Variants in NPAS3 observed in about 807,000 individuals in gnomAD.
NPAS3 encodes neuronal PAS domain-containing protein 3.
A neutral mutation model predicts 73.1 loss-of-function variants in NPAS3; 14 were observed. That is an observed-to-expected ratio of 0.19 (90% CI 0.13 to 0.30). NPAS3 has a LOEUF of 0.30. Ranked by LOEUF, NPAS3 falls within the 10% of genes least tolerant of loss-of-function variation. The pLI, the probability that NPAS3 is intolerant of heterozygous loss-of-function variation, is 1.00. For missense variants in NPAS3, 1,096 were observed against 1,250.0 expected (o/e 0.88, Z 1.86); for synonymous variants, 620 against 541.5 (o/e 1.14, Z -2.01).
chr14:33,702,532 A>G (rs1275058366), intron 6 of NPAS3, among the ~76,000 whole-genome samples: 1 of 152,226 alleles, frequency 6.6e-6, no homozygotes, highest in Non-Finnish European at 1.5e-5. Flanking sequence ...CCATGTGAGG[A>G]AAGTGGATTG....
chr14:33,373,594 TTAAAC>T (rs1226177662), intron 4 of NPAS3, among the ~76,000 whole-genome samples: 6 of 152,268 alleles, frequency 3.9e-5, no homozygotes, highest in Non-Finnish European at 8.8e-5. Flanking sequence ...CATTTATTAT[TTAAAC>T]TAAGTATTGA....
At chr14:33,398,430 G>A (rs1403931928) in intron 4 of NPAS3, among the ~76,000 whole-genome samples, 1 of 150,130 alleles carries the variant, frequency 6.7e-6, no homozygotes, top group South Asian at 2.1e-4. Flanking sequence ...AAAAGTACAG[G>A]TAAAACCCAG....
At chr14:33,115,189 T>C (rs2043021332) in intron 2 of NPAS3, among the ~76,000 whole-genome samples, 1 of 152,202 alleles carries the variant, frequency 6.6e-6, no homozygotes, top group East Asian at 1.9e-4. Context: ...TCCTGTAGAC[T>C]GTGGACTGAA....
chr14:33,070,165 A>G (rs772454173), intron 2 of NPAS3, among the ~76,000 whole-genome samples: 2 of 152,246 alleles, frequency 1.3e-5, no homozygotes, highest in Non-Finnish European at 2.9e-5. Flanking sequence ...AGATCACATC[A>G]AGGAGGGAAT....
intron 4 of NPAS3, among the ~76,000 whole-genome samples, chr14:33,544,158 T>A (rs779227250): frequency 6.6e-6 from 1 of 151,888 alleles, no homozygotes; most frequent in Non-Finnish European, 1.5e-5. Context: ...TTATTTATAT[T>A]TAGAGACAGG....
At chr14:33,151,421 C>A (rs915957270) in intron 2 of NPAS3, among the ~76,000 whole-genome samples, 1 of 152,224 alleles carries the variant, frequency 6.6e-6, no homozygotes, top group Non-Finnish European at 1.5e-5. Context: ...CCTCCTACCA[C>A]TTGGTTCCCT....
chr14:32,970,414 A>G (rs2037369535), intron 1 of NPAS3, among the ~76,000 whole-genome samples: 1 of 152,150 alleles, frequency 6.6e-6, no homozygotes, highest in South Asian at 2.1e-4. Context: ...TACCTTTCTC[A>G]AAGAAGTGGC....
intron 2 of NPAS3, among the ~76,000 whole-genome samples, chr14:33,058,743 C>T (rs1322870309): frequency 3.9e-5 from 6 of 152,170 alleles, no homozygotes; most frequent in African/African-American, 1.4e-4. Context: ...GTACATATAA[C>T]TGCACATATG....
intron 4 of NPAS3, among the ~76,000 whole-genome samples, chr14:33,395,854 G>A (rs1171077516): frequency 6.6e-6 from 1 of 152,060 alleles, no homozygotes; most frequent in Admixed American, 6.6e-5. Context: ...TAGGTATCAG[G>A]CACTTTCCAT....
chr14:33,253,916 A>G (rs1041269932), intron 3 of NPAS3, among the ~76,000 whole-genome samples: 1 of 152,088 alleles, frequency 6.6e-6, no homozygotes, highest in Admixed American at 6.6e-5. Flanking sequence ...ACTCAGTATC[A>G]TCTAAAACCC....
intron 7 of NPAS3, among the ~76,000 whole-genome samples, chr14:33,762,437 A>T (rs907382719): frequency 1.3e-5 from 2 of 152,200 alleles, no homozygotes; most frequent in African/African-American, 4.8e-5. Context: ...TAAAATAAAA[A>T]GGGGGAGGGA....
chr14:33,485,839 A>T (rs566461689), intron 4 of NPAS3, among the ~76,000 whole-genome samples: 2 of 148,888 alleles, frequency 1.3e-5, no homozygotes, highest in East Asian at 2.0e-4. Flanking sequence ...TTGAATTTGC[A>T]TTTTTTTTTT....
At chr14:33,707,579 A>G (rs2060691681) in intron 6 of NPAS3, among the ~76,000 whole-genome samples, 1 of 152,208 alleles carries the variant, frequency 6.6e-6, no homozygotes, top group South Asian at 2.1e-4. Context: ...GAGAAATAAA[A>G]ACCTGTATGG....
chr14:32,970,200 T>C (rs1468457882), intron 1 of NPAS3, among the ~76,000 whole-genome samples: 1 of 152,218 alleles, frequency 6.6e-6, no homozygotes, highest in African/African-American at 2.4e-5. Flanking sequence ...CTATCATTTT[T>C]TCCTAGGCTA....
chr14:33,315,099 C>A (rs377396552), intron 3 of NPAS3, among the ~76,000 whole-genome samples: 26 of 151,888 alleles, frequency 1.7e-4, no homozygotes, highest in East Asian at 5.8e-4. Context: ...GGGCAGTGAG[C>A]TGATGTGAGG....
At chr14:33,445,781 G>T (rs556945191) in intron 4 of NPAS3, among the ~76,000 whole-genome samples, 1 of 152,192 alleles carries the variant, frequency 6.6e-6, no homozygotes, top group Non-Finnish European at 1.5e-5. Context: ...TTTTAAGCAA[G>T]AATGAACTTC....
At chr14:33,273,657 T>C (rs2041200293) in intron 3 of NPAS3, among the ~76,000 whole-genome samples, 1 of 152,206 alleles carries the variant, frequency 6.6e-6, no homozygotes, top group Non-Finnish European at 1.5e-5. Flanking sequence ...ATCCCACTGC[T>C]ATAGTGCTAT....
In NPAS3 at chr14:33,604,021, A is replaced by C. The variant is rs74442282; in HGVS notation, c.558+43811A>C. ...TGAGCCCTAAAACAACTAAAAAAAA[A>C]ACAAAGAGTTATAGCTAATAAAGCA... On this transcript the variant is annotated intron_variant, in intron 5 of 11. Coordinates refer to ENST00000356141, the Ensembl canonical transcript of NPAS3. Among the ~76,000 whole-genome samples the C allele has an allele frequency of 4.8e-3, 726 of 152,266 alleles. 3 individuals are homozygous for C. The highest frequency in any genetic ancestry group is 7.9e-3 in the Non-Finnish European group (540 of 67,980).
At chr14:33,307,054 G>T (rs2042781877) in intron 3 of NPAS3, among the ~76,000 whole-genome samples, 2 of 152,142 alleles carry the variant, frequency 1.3e-5, no homozygotes, top group South Asian at 4.2e-4. Flanking sequence ...CCTGGCTATT[G>T]CAGTGAAGGC....
Sources: gnomAD v4.1 joint callset for allele counts (sites outside exome capture counted in the v4.1 genomes callset) on GRCh38, gnomAD v4.1.1 for gene constraint, MANE v1.5 for transcripts, NCBI Gene and HGNC (gene_info 2026-07-23, HGNC 2026-07-21) for gene names.